Variants in PHLPP1 observed in about 807,000 individuals in gnomAD.
PHLPP1 encodes PH domain and leucine rich repeat protein phosphatase 1.
In PHLPP1, 42 loss-of-function variants were observed where a neutral mutation model predicts 117.2. The ratio of observed to expected loss-of-function variants is 0.36; its 90% CI spans 0.28 to 0.46. The LOEUF (loss-of-function observed/expected upper bound fraction) is 0.46, where lower values mean the gene tolerates loss of function less well. Among genes scored for constraint, PHLPP1 ranks in the 20% least tolerant of loss-of-function variants. The pLI is 1.00. For missense variants in PHLPP1, 2,084 were observed against 2,241.9 expected (o/e 0.93, Z 1.42); for synonymous variants, 1,042 against 970.7 (o/e 1.07, Z -1.37).
intron 1 of PHLPP1, among the ~76,000 whole-genome samples, chr18:62,741,664 A>C (rs1188401368): frequency 6.6e-6 from 1 of 151,480 alleles, no homozygotes; most frequent in African/African-American, 2.4e-5. Context: ...TACTTTTATA[A>C]ATAATTGTTT....
chr18:62,786,591 A>G (rs894658537), intron 1 of PHLPP1, among the ~76,000 whole-genome samples: 4 of 152,150 alleles, frequency 2.6e-5, no homozygotes, highest in Non-Finnish European at 5.9e-5. Context: ...GATTTTCTTG[A>G]TCAATATTAA....
chr18:62,715,785 A>T lies in PHLPP1; in HGVS notation c.102A>T (p.Ala34=), dbSNP rs1405490173. 1 of 693,260 alleles carries T rather than the reference A, an allele frequency of 1.4e-6. No homozygotes were observed. Among genetic ancestry groups the T allele is most frequent in the East Asian group, 1.0e-4 (1 of 9,734 alleles). The allele number at this position is 693,260 out of a possible 1,614,324, so 42.9% of individuals were successfully genotyped here. ...PAAAAAAAAA[A]AAAAAALAAA... The stretch of plus-strand genomic sequence containing the variant: ...CCGCCGCTGCGGCAGCAGCAGCAGC[A>T]GCGGCGGCCGCGGCGGCTCTGGCGG... The change falls in exon 1 of 17, where the codon GCA becomes GCT. Residue 34 remains alanine (A), a synonymous_variant. Coordinates refer to ENST00000262719, the MANE Select transcript of PHLPP1 (RefSeq NM_194449.4).
chr18:62,727,794 A>T (rs889438464), intron 1 of PHLPP1, among the ~76,000 whole-genome samples: 3 of 151,834 alleles, frequency 2.0e-5, no homozygotes, highest in Admixed American at 1.3e-4. Flanking sequence ...TTACCACTGC[A>T]TTTCTTTTTG....
chr18:62,757,491 C>T (rs1912065761), intron 1 of PHLPP1, among the ~76,000 whole-genome samples: 1 of 152,132 alleles, frequency 6.6e-6, no homozygotes, highest in Non-Finnish European at 1.5e-5. Context: ...TACTTCTACC[C>T]ATTTGTATGG....
rs886540647 is a variant in PHLPP1 at position 62,916,603 on chromosome 18, T to TGG, written c.2804+1597_2804+1598dup. Among the ~76,000 whole-genome samples the TGG allele has an allele frequency of 2.7e-4, 39 of 147,060 alleles. 1 individual carries two copies. Among genetic ancestry groups the TGG allele is most frequent in the East Asian group, 3.9e-4 (2 of 5,084 alleles). The stretch of plus-strand genomic sequence containing the variant: ...GCAGCCATCACCATTAACAAGAGGG[T>TGG]GGGTGTGTGTGTGTGTGTGTGTGTG... On this transcript the variant is annotated intron_variant, in intron 9 of 16. Coordinates refer to ENST00000262719, the MANE Select transcript of PHLPP1 (RefSeq NM_194449.4).
chr18:62,798,463 A>G (rs12954909), intron 1 of PHLPP1, among the ~76,000 whole-genome samples: 8,716 of 152,280 alleles, frequency 0.057, 344 homozygotes, highest in Middle Eastern at 0.088. Flanking sequence ...AGCAAAATTT[A>G]AACTCTGAGA....
At chr18:62,873,944 G>T (rs1568145892) in intron 4 of PHLPP1, among the ~76,000 whole-genome samples, 1 of 152,040 alleles carries the variant, frequency 6.6e-6, no homozygotes, top group Non-Finnish European at 1.5e-5. Flanking sequence ...CAGCACTTTG[G>T]GGGGCCAAGG....
intron 4 of PHLPP1, among the ~76,000 whole-genome samples, chr18:62,862,995 T>G (rs1434130431): frequency 6.6e-6 from 1 of 152,016 alleles, no homozygotes; most frequent in Non-Finnish European, 1.5e-5. Context: ...CTCCAGCAAT[T>G]CCTGATTGTC....
chr18:62,945,256 G>C lies in PHLPP1; in HGVS notation c.3309G>C (p.Gln1103His). 1 of 1,601,848 alleles carries C rather than the reference G, an allele frequency of 6.2e-7. No individual in the cohort carries two copies. ...TCGAGGTCTTTCCCGAAGTTATGCA[G>C]CTCCCAGAGATCAAGGTATGTGGTT... ...NCIEVFPEVMQLPEIKCVDLS... is the reference protein window; with the variant it reads ...NCIEVFPEVMHLPEIKCVDLS... The change falls in exon 12 of 17, where the codon CAG becomes CAC. Residue 1103 changes from glutamine (Q) to histidine (H), a missense_variant. Gln to His is a conservative substitution (Grantham distance 24). Transcript: ENST00000262719.
chr18:62,763,712 A>G (rs765450273), intron 1 of PHLPP1, among the ~76,000 whole-genome samples: 5 of 151,956 alleles, frequency 3.3e-5, no homozygotes, highest in Non-Finnish European at 5.9e-5. Flanking sequence ...GCTATTCTCT[A>G]CTGTATTTCT....
intron 9 of PHLPP1, among the ~76,000 whole-genome samples, chr18:62,917,724 G>A (rs1909334680): frequency 1.3e-5 from 2 of 151,794 alleles, no homozygotes; most frequent in African/African-American, 4.8e-5. Flanking sequence ...TGAGGCAGGA[G>A]GATTGCTTGA....
chr18:62,914,313 A>C (rs914031688), intron 8 of PHLPP1, among the ~76,000 whole-genome samples: 11 of 152,256 alleles, frequency 7.2e-5, no homozygotes, highest in Non-Finnish European at 1.5e-4. Context: ...AATATAACAC[A>C]TATTCTCCCT....
At chr18:62,784,599 A>T (rs1443476737) in intron 1 of PHLPP1, among the ~76,000 whole-genome samples, 2 of 152,272 alleles carry the variant, frequency 1.3e-5, no homozygotes, top group Non-Finnish European at 2.9e-5. Context: ...TGTGTGCTGA[A>T]GAAATGGGAG....
At position 62,844,529 on chromosome 18, in the gene PHLPP1, T is replaced by TA. The variant is rs1351330952; in HGVS notation, c.1899+5621dup. 6.6e-5 allele frequency among the ~76,000 whole-genome samples: 10 copies of TA among 152,304 alleles called. No individual in the cohort carries two copies. In the East Asian group the frequency reaches 1.7e-3, roughly 26 times the overall value. ...ACACCTGTGACCTGGCTTCCACTGT[T>TA]ACCATCTCCTGGCCAGTGGGCTATC... On this transcript the variant is annotated intron_variant, in intron 3 of 16. Coordinates refer to ENST00000262719, the MANE Select transcript of PHLPP1 (RefSeq NM_194449.4).
intron 1 of PHLPP1, among the ~76,000 whole-genome samples, chr18:62,794,467 A>G (rs1269626242): frequency 6.6e-6 from 1 of 151,932 alleles, no homozygotes; most frequent in Non-Finnish European, 1.5e-5. Flanking sequence ...CCCTGACTCT[A>G]GTGATCCTCT....
At chr18:62,901,918 G>A (rs925173106) in intron 6 of PHLPP1, among the ~76,000 whole-genome samples, 21 of 152,010 alleles carry the variant, frequency 1.4e-4, no homozygotes, top group Admixed American at 1.2e-3. Flanking sequence ...GTGAGCCATC[G>A]CACCCATCCT....
intron 4 of PHLPP1, among the ~76,000 whole-genome samples, chr18:62,877,807 T>A (rs1916085364): frequency 6.6e-6 from 1 of 152,236 alleles, no homozygotes; most frequent in Non-Finnish European, 1.5e-5. Flanking sequence ...TTGGTTCTCT[T>A]CTTGCCTAAT....
At chr18:62,939,642 T>TC (rs1227153068) in intron 10 of PHLPP1, among the ~76,000 whole-genome samples, 1 of 151,720 alleles carries the variant, frequency 6.6e-6, no homozygotes, top group Non-Finnish European at 1.5e-5. Flanking sequence ...AACTTCCTTT[T>TC]TTTTTTTTTT....
At position 62,977,008 on chromosome 18, in the gene PHLPP1, A is replaced by G. The variant is rs757707812; in HGVS notation, c.3985-1254A>G. On this transcript the variant is annotated intron_variant, in intron 16 of 16. Coordinates refer to ENST00000262719, the MANE Select transcript of PHLPP1 (RefSeq NM_194449.4). ...CACAAAACCATTGGTTTTGATAGAG[A>G]GAAATCTAAAGGGATGGACAGAACA... 8.1e-4 allele frequency among the ~76,000 whole-genome samples: 124 copies of G among 152,326 alleles called. 1 individual carries two copies. Among genetic ancestry groups the G allele is most frequent in the Middle Eastern group, 3.4e-3 (1 of 294 alleles).
Sources: gnomAD v4.1 joint callset for allele counts (sites outside exome capture counted in the v4.1 genomes callset) on GRCh38, gnomAD v4.1.1 for gene constraint, MANE v1.5 for transcripts, NCBI Gene and HGNC (gene_info 2026-07-23, HGNC 2026-07-21) for gene names.